The following SORCS1 variants were observed in gnomAD, a reference collection of about 807,000 sequenced individuals.
SORCS1 encodes the protein sortilin related VPS10 domain containing receptor 1.
Under a neutral mutation model 146.1 loss-of-function variants are expected in SORCS1, and 60 were observed. The ratio of observed to expected loss-of-function variants is 0.41; its 90% CI spans 0.33 to 0.51. The LOEUF is 0.51. SORCS1 is among the 20% of genes least tolerant of loss of function. The probability of loss-of-function intolerance (pLI) is 0.21; values close to 1 mark genes in which losing one functional copy is unlikely to be tolerated. For synonymous variants in SORCS1, 637 were observed against 584.0 expected, an observed-to-expected ratio of 1.09 and a Z score of -1.31; for missense variants, 1,352 against 1,487.6, an observed-to-expected ratio of 0.91 and a Z score of 1.50.
chr10:106,805,823 C>T (rs1045990171), intron 3 of SORCS1, among the ~76,000 whole-genome samples: 1 of 151,958 alleles, frequency 6.6e-6, no homozygotes, highest in Non-Finnish European at 1.5e-5. Context: ...CTCTGGGAGG[C>T]CGAGACAGGT....
intron 2 of SORCS1, among the ~76,000 whole-genome samples, chr10:106,889,356 T>G (rs1951129873): frequency 6.6e-6 from 1 of 152,196 alleles, no homozygotes; most frequent in Non-Finnish European, 1.5e-5. Context: ...TGTGCTCCAC[T>G]GACCAGCAAC....
intron 3 of SORCS1, among the ~76,000 whole-genome samples, chr10:106,791,714 G>T (rs1007054315): frequency 6.6e-6 from 1 of 152,048 alleles, no homozygotes; most frequent in African/African-American, 2.4e-5. Flanking sequence ...AACAAAAAAA[G>T]AATATGAATT....
At chr10:106,879,996 T>C (rs1950748327) in intron 2 of SORCS1, among the ~76,000 whole-genome samples, 1 of 152,226 alleles carries the variant, frequency 6.6e-6, no homozygotes, top group Non-Finnish European at 1.5e-5. Context: ...GCTAAATTTA[T>C]GGTAATTTGT....
At chr10:107,009,491 T>C (rs1957599748) in intron 1 of SORCS1, among the ~76,000 whole-genome samples, 1 of 152,224 alleles carries the variant, frequency 6.6e-6, no homozygotes. Context: ...CTTTTCTGTT[T>C]CTCCTTAAAA....
chr10:107,022,042 T>G (rs905786689), intron 1 of SORCS1, among the ~76,000 whole-genome samples: 1 of 152,214 alleles, frequency 6.6e-6, no homozygotes, highest in Non-Finnish European at 1.5e-5. Flanking sequence ...ATTTGAGTTA[T>G]CTTTCCATGA....
At chr10:107,040,678 C>T (rs998958754) in intron 1 of SORCS1, among the ~76,000 whole-genome samples, 1 of 152,112 alleles carries the variant, frequency 6.6e-6, no homozygotes, top group African/African-American at 2.4e-5. Flanking sequence ...CATAAAGAAA[C>T]CGGATTAGGG....
Position 106,726,185 on chromosome 10 carries a change from C to CTCTTTTTTTTTT in SORCS1, c.1024+3864_1024+3865insAAAAAAAAAAGA, listed in dbSNP as rs1435746962. Among the ~76,000 whole-genome samples the CTCTTTTTTTTTT allele has an allele frequency of 4.1e-4, 27 of 66,300 alleles. 1 individual carries two copies. The highest frequency in any genetic ancestry group is 6.3e-4 in the South Asian group (1 of 1,592). The allele number at this position is 66,300 out of a possible 152,430, so 43.5% of individuals were successfully genotyped here. A position where few individuals can be genotyped will look rare whatever the true frequency, so the allele number is the denominator to read the frequency against. ...TTATTGAGACAATCTCTTTCCCTCT[C>CTCTTTTTTTTTT]TTTTTTTTTTTTTTTTTTTTTTACA... On this transcript the variant is annotated intron_variant, in intron 6 of 25. Coordinates refer to ENST00000263054, the MANE Select transcript of SORCS1 (RefSeq NM_052918.5).
intron 1 of SORCS1, among the ~76,000 whole-genome samples, chr10:107,054,740 T>C (rs1046980461): frequency 1.3e-5 from 2 of 152,194 alleles, no homozygotes; most frequent in African/African-American, 4.8e-5. Flanking sequence ...GCATGAGCTA[T>C]GCTAGCCAAC....
intron 17 of SORCS1, among the ~76,000 whole-genome samples, chr10:106,655,959 C>T (rs1419264424): frequency 6.6e-6 from 1 of 152,156 alleles, no homozygotes; most frequent in South Asian, 2.1e-4. Flanking sequence ...TATGTTGGAC[C>T]TGCGCTCTGA....
chr10:106,706,460 T>A (rs1589704050), intron 8 of SORCS1, 85 bp downstream of exon 8: 2 of 1,323,332 alleles, frequency 1.5e-6, no homozygotes, highest in East Asian at 4.6e-5. Flanking sequence ...TATGAGAGGC[T>A]GAAAGAGTCC....
intron 3 of SORCS1, among the ~76,000 whole-genome samples, chr10:106,828,452 T>C (rs927923946): frequency 6.6e-6 from 1 of 152,126 alleles, no homozygotes; most frequent in African/African-American, 2.4e-5. Flanking sequence ...GCAGCCAGAA[T>C]TGAGAGTGAT....
intron 2 of SORCS1, among the ~76,000 whole-genome samples, chr10:106,860,904 G>T (rs1949984975): frequency 6.6e-6 from 1 of 152,092 alleles, no homozygotes; most frequent in African/African-American, 2.4e-5. Flanking sequence ...TGTATTAAAG[G>T]TAACAGGGAT....
intron 23 of SORCS1, chr10:106,600,348 A>G: frequency 1.4e-5 from 14 of 974,666 alleles, no homozygotes; most frequent in African/African-American, 1.8e-5. Context: ...TACGTTTCAT[A>G]TATTTAACTT....
At chr10:106,896,866 CCATAATCTA>C (rs1951499992) in intron 2 of SORCS1, among the ~76,000 whole-genome samples, 1 of 151,622 alleles carries the variant, frequency 6.6e-6, no homozygotes, top group Non-Finnish European at 1.5e-5. Flanking sequence ...CACTCCATTT[CCATAATCTA>C]TGCACCAAAT....
intron 16 of SORCS1, among the ~76,000 whole-genome samples, chr10:106,669,005 T>A (rs986680047): frequency 6.6e-6 from 1 of 152,132 alleles, no homozygotes. Context: ...TCAGAAATCA[T>A]GCAGTGACAG....
At chr10:106,908,292 C>G (rs1390903192) in intron 2 of SORCS1, among the ~76,000 whole-genome samples, 1 of 152,110 alleles carries the variant, frequency 6.6e-6, no homozygotes, top group Non-Finnish European at 1.5e-5. Context: ...TCCTAACTGG[C>G]ATATGTCTTA....
chr10:107,099,315 AGT>A (rs1460633851), intron 1 of SORCS1, among the ~76,000 whole-genome samples: 1 of 152,144 alleles, frequency 6.6e-6, no homozygotes, highest in Admixed American at 6.5e-5. Flanking sequence ...AAGATTTTTG[AGT>A]GTGAGACCAC....
chr10:106,577,803 G>C (rs767204176), intron 25 of SORCS1: 8 of 514,340 alleles, frequency 1.6e-5, no homozygotes, highest in African/African-American at 9.9e-5. Context: ...AGGCAGAAAA[G>C]ACTTTTTTCT....
At chr10:106,675,756 T>C (rs1851980644) in intron 13 of SORCS1, among the ~76,000 whole-genome samples, 1 of 152,118 alleles carries the variant, frequency 6.6e-6, no homozygotes, top group African/African-American at 2.4e-5. Flanking sequence ...ATCGCCAATA[T>C]GATGATTTTA....
Sources: gnomAD v4.1 joint callset for allele counts (sites outside exome capture counted in the v4.1 genomes callset) on GRCh38, gnomAD v4.1.1 for gene constraint, MANE v1.5 for transcripts, NCBI Gene and HGNC (gene_info 2026-07-23, HGNC 2026-07-21) for gene names.